Variants in COMMD6 observed in about 807,000 individuals in gnomAD.
The protein encoded by COMMD6 is COMM domain containing 6.
COMMD6 carries 11 observed loss-of-function variants against 13.4 expected under a neutral mutation model. That is an observed-to-expected ratio of 0.82 (90% CI 0.52 to 1.36). COMMD6 has a LOEUF of 1.36. COMMD6 is among the 40% of genes most tolerant of loss of function. The pLI, the probability that COMMD6 is intolerant of heterozygous loss-of-function variation, is 0.00. For missense variants in COMMD6, 124 were observed against 102.4 expected (o/e 1.21, Z -0.91); for synonymous variants, 43 against 36.5 (o/e 1.18, Z -0.64).
chr13:75,547,228 T>G (rs2030917670), intron 1 of COMMD6, among the ~76,000 whole-genome samples: 1 of 152,192 alleles, frequency 6.6e-6, no homozygotes, highest in South Asian at 2.1e-4. Flanking sequence ...GAGCATTAAA[T>G]AGACCATCAA....
intron 2 of COMMD6, chr13:75,537,454 T>A (rs761407371): frequency 1.5e-4 from 232 of 1,551,438 alleles, no homozygotes; most frequent in Non-Finnish European, 2.0e-4. Flanking sequence ...TTCGGGCTAG[T>A]GCAGGGTGGG....
chr13:75,528,722 A>G (rs2030356086), intron 3 of COMMD6, among the ~76,000 whole-genome samples: 1 of 151,990 alleles, frequency 6.6e-6, no homozygotes. Flanking sequence ...CGTGCCTGTA[A>G]TCCCAGCTAC....
chr13:75,537,990 TA>T (rs141249709), upstream of COMMD6: 67,259 of 480,808 alleles, frequency 0.14, 5,473 homozygotes, highest in Middle Eastern at 0.28. Flanking sequence ...GACATTGAGC[TA>T]AAAGAAAATT....
At chr13:75,538,681 A>G (rs1474856236), upstream of COMMD6, 2 of 152,202 alleles carry the variant, frequency 1.3e-5, no homozygotes, top group Non-Finnish European at 2.9e-5. Context: ...ATAAAATACT[A>G]TTCTCTAATA....
rs1449052180 is a variant in COMMD6 at position 75,537,828 on chromosome 13, C to G, written c.-23G>C. 2 of 1,583,034 alleles carry G rather than the reference C, an allele frequency of 1.3e-6. No homozygotes were observed. The highest frequency in any genetic ancestry group is 1.8e-5 in the Admixed American group (1 of 56,916). ...CATGGGCAGCGTCTGGGACTTGCGG[C>G]CCGGACTCGAGAGAACGCCCCCAGA... On this transcript the variant is annotated 5_prime_UTR_variant, in exon 1 of 4. Transcript: ENST00000682242.
chr13:75,530,977 C>T (rs2030459107), intron 2 of COMMD6, among the ~76,000 whole-genome samples: 3 of 152,172 alleles, frequency 2.0e-5, no homozygotes, highest in African/African-American at 7.2e-5. Context: ...GTTAATACTG[C>T]CTCATATTAA....
chr13:75,533,976 C>T (rs2030579900), intron 2 of COMMD6, among the ~76,000 whole-genome samples: 2 of 149,070 alleles, frequency 1.3e-5, no homozygotes. Context: ...CATTTTCCTT[C>T]TTTTTTTTTT....
At chr13:75,535,932 G>A (rs2030649187) in intron 2 of COMMD6, among the ~76,000 whole-genome samples, 1 of 151,924 alleles carries the variant, frequency 6.6e-6, no homozygotes, top group African/African-American at 2.4e-5. Flanking sequence ...CTGTCACTCA[G>A]GCTGGACTGC....
chr13:75,542,168 G>A (rs530387148), upstream of COMMD6, among the ~76,000 whole-genome samples: 3 of 152,166 alleles, frequency 2.0e-5, no homozygotes, highest in Non-Finnish European at 4.4e-5. Context: ...AATGGCCTTT[G>A]TGCAAGGTTG....
chr13:75,527,041 G>A (rs1393431177), intron 3 of COMMD6, among the ~76,000 whole-genome samples: 3 of 152,142 alleles, frequency 2.0e-5, no homozygotes, highest in Non-Finnish European at 4.4e-5. Flanking sequence ...AAGATTATGG[G>A]TTCAATTACT....
At chr13:75,527,475 T>G (rs141956814) in intron 3 of COMMD6, among the ~76,000 whole-genome samples, 1 of 152,332 alleles carries the variant, frequency 6.6e-6, no homozygotes, top group Non-Finnish European at 1.5e-5. Context: ...AGAATGTTCC[T>G]TAGCTCTCAG....
At chr13:75,530,777 G>A (rs1379554761) in intron 2 of COMMD6, among the ~76,000 whole-genome samples, 1 of 152,186 alleles carries the variant, frequency 6.6e-6, no homozygotes, top group Non-Finnish European at 1.5e-5. Flanking sequence ...CCACTTTGCA[G>A]ATGACAAAAG....
chr13:75,542,541 A>G (rs1485119524), upstream of COMMD6, among the ~76,000 whole-genome samples: 1 of 152,120 alleles, frequency 6.6e-6, no homozygotes, highest in Non-Finnish European at 1.5e-5. Flanking sequence ...CACCTACCTT[A>G]GCCTCCCAAA....
At chr13:75,541,773 G>T (rs1273025654), upstream of COMMD6, among the ~76,000 whole-genome samples, 1 of 152,110 alleles carries the variant, frequency 6.6e-6, no homozygotes, top group African/African-American at 2.4e-5. Flanking sequence ...TTACTATACT[G>T]TATTACAATA....
Position 75,526,419 on chromosome 13 carries a change from T to G in COMMD6, c.*170A>C. 1 of 530,174 alleles carries G rather than the reference T, an allele frequency of 1.9e-6. No homozygotes were observed. Among genetic ancestry groups the G allele is most frequent in the Non-Finnish European group, 3.4e-6 (1 of 297,530 alleles). 32.8% of individuals were successfully genotyped at this position (530,174 alleles called of 1,614,324 possible). A position where few individuals can be genotyped will look rare whatever the true frequency, so the allele number is the denominator to read the frequency against. On this transcript the variant is annotated 3_prime_UTR_variant, in exon 4 of 4. Coordinates refer to ENST00000682242, the MANE Select transcript of COMMD6 (RefSeq NM_203495.4). ...AAAGCACATTCACAAAGTTTTGCAT[T>G]CATCACCACTACCCAGTTCCTGTTT... is the stretch of plus-strand genomic sequence containing the variant.
intron 1 of COMMD6, among the ~76,000 whole-genome samples, chr13:75,544,791 C>CA (rs2030877771): frequency 1.3e-5 from 2 of 150,404 alleles, no homozygotes; most frequent in South Asian, 2.1e-4. Context: ...AAATAAAATA[C>CA]AAAAAATTTG....
At chr13:75,528,719 G>A (rs139082852) in intron 3 of COMMD6, among the ~76,000 whole-genome samples, 161 of 152,142 alleles carry the variant, frequency 1.1e-3, no homozygotes, top group African/African-American at 3.7e-3. Flanking sequence ...CTGCGTGCCT[G>A]TAATCCCAGC....
chr13:75,531,582 C>T (rs1436174650), intron 2 of COMMD6, among the ~76,000 whole-genome samples: 7 of 152,118 alleles, frequency 4.6e-5, no homozygotes, highest in African/African-American at 1.4e-4. Context: ...AGGCAAATCA[C>T]AAAATAACTA....
upstream of COMMD6, among the ~76,000 whole-genome samples, chr13:75,538,086 A>C (rs1318018814): frequency 6.6e-6 from 1 of 152,222 alleles, no homozygotes; most frequent in African/African-American, 2.4e-5. Flanking sequence ...TCCCCCATCT[A>C]ACAGTGACAC....
Sources: gnomAD v4.1 joint callset for allele counts (sites outside exome capture counted in the v4.1 genomes callset) on GRCh38, gnomAD v4.1.1 for gene constraint, MANE v1.5 for transcripts, NCBI Gene and HGNC (gene_info 2026-07-23, HGNC 2026-07-21) for gene names.